Variants in DPP9 observed in about 807,000 individuals in gnomAD.
DPP9 encodes dipeptidyl peptidase 9.
DPP9 carries 50 observed loss-of-function variants against 110.7 expected under a neutral mutation model. That is an observed-to-expected ratio of 0.45 (90% CI 0.36 to 0.57). The LOEUF is 0.57. DPP9 is among the 20% of genes least tolerant of loss of function. The probability of loss-of-function intolerance (pLI) is 0.00; values close to 1 mark genes in which losing one functional copy is unlikely to be tolerated. For synonymous variants in DPP9, 561 were observed against 514.4 expected, an observed-to-expected ratio of 1.09 and a Z score of -1.23; for missense variants, 1,022 against 1,217.9, an observed-to-expected ratio of 0.84 and a Z score of 2.39.
intron 4 of DPP9, among the ~76,000 whole-genome samples, chr19:4,708,243 C>A (rs766902774): frequency 6.6e-6 from 1 of 152,224 alleles, no homozygotes; most frequent in Non-Finnish European, 1.5e-5. Context: ...ATACCCTGAC[C>A]CCCTTGCCGA....
chr19:4,685,957 T>C lies in DPP9; in HGVS notation c.1886-186A>G. ...TTAAATAAGATTTGTACAGTTTTTG[T>C]AGAGATGGGGTCTTGTCTCCCTGTT... On this transcript the variant is annotated intron_variant, in intron 16 of 21. Transcript: ENST00000262960. This position sits in a 1 kb window ranked among gnomAD's most constrained non-coding sequence, Gnocchi z 5.8. 1.6e-6 allele frequency: 1 copy of C among 623,236 alleles called. No homozygotes were observed. The highest frequency in any genetic ancestry group is 2.7e-6 in the Non-Finnish European group (1 of 376,172). The allele number at this position is 623,236 out of a possible 1,614,324, so 38.6% of individuals were successfully genotyped here.
chr19:4,689,435 G>A lies in DPP9; in HGVS notation c.1749+135C>T, dbSNP rs1405604882. The A allele has an allele frequency of 3.4e-6, 4 of 1,191,682 alleles. No individual in the cohort carries two copies. In the Admixed American group the frequency reaches 8.3e-5, roughly 25 times the overall value. The allele number at this position is 1,191,682 out of a possible 1,614,324, so 73.8% of individuals were successfully genotyped here. A position where few individuals can be genotyped will look rare whatever the true frequency, so the allele number is the denominator to read the frequency against. On this transcript the variant is annotated intron_variant, in intron 15 of 21. Transcript: ENST00000262960. The surrounding 1 kb of genome is among the most constrained non-coding windows in gnomAD (Gnocchi z 7.0). ...TACCCAGGAGGCAGGGGTGGGCACT[G>A]CCTGCCCCAAGGCAGCTATGAGAAT...
intron 13 of DPP9, among the ~76,000 whole-genome samples, chr19:4,691,454 C>T (rs1294914472): frequency 2.0e-5 from 3 of 147,994 alleles, no homozygotes; most frequent in African/African-American, 5.0e-5. Flanking sequence ...CCAGCCTGGG[C>T]GACAACAAGA....
intron 3 of DPP9, among the ~76,000 whole-genome samples, chr19:4,717,100 G>A (rs1168306843): frequency 6.6e-6 from 1 of 152,174 alleles, no homozygotes; most frequent in African/African-American, 2.4e-5. Flanking sequence ...AAATGACAGG[G>A]GAAAATGCTT....
Position 4,689,732 on chromosome 19 carries a change from G to T in DPP9, c.1597-10C>A, listed in dbSNP as rs748291109. ...CCTCATTGACCCAGATCTGCAGGGGGACAGGGGATCCTCGTGATGCGTCCC... is the reference window on the plus strand; with the variant it reads ...CCTCATTGACCCAGATCTGCAGGGGTACAGGGGATCCTCGTGATGCGTCCC... On this transcript the variant is annotated splice_polypyrimidine_tract_variant and intron_variant, in intron 14 of 21. Coordinates refer to ENST00000262960, the MANE Select transcript of DPP9 (RefSeq NM_139159.5). The surrounding 1 kb of genome is among the most constrained non-coding windows in gnomAD (Gnocchi z 7.0). The T allele has an allele frequency of 7.8e-6, 12 of 1,543,020 alleles. No homozygotes were observed. In the South Asian group the frequency reaches 1.1e-4, roughly 14 times the overall value.
In DPP9 at chr19:4,682,737, C is replaced by T; in HGVS notation, c.2433G>A (p.Glu811=). The T allele has an allele frequency of 6.2e-7, 1 of 1,609,064 alleles. No individual in the cohort carries two copies. The highest frequency in any genetic ancestry group is 1.1e-5 in the South Asian group (1 of 89,904). The change falls in exon 20 of 22, where the codon GAG becomes GAA. Residue 811 remains glutamate (E), a synonymous_variant. Transcript: ENST00000262960. This position sits in a 1 kb window ranked among gnomAD's most constrained non-coding sequence, Gnocchi z 7.1. ...CCACGTGCAGGGCCACGGAACCCGC[C>T]TCATAGCCGTGCTGGTTGTTCTCAG... is the stretch of plus-strand genomic sequence containing the variant. ...DVPENNQHGY[E]AGSVALHVEK...
At chr19:4,721,811 C>T (rs954330286) in intron 2 of DPP9, among the ~76,000 whole-genome samples, 1 of 152,114 alleles carries the variant, frequency 6.6e-6, no homozygotes, top group African/African-American at 2.4e-5. Context: ...CACATGGGGA[C>T]AGGACTGAGA....
intron 13 of DPP9, among the ~76,000 whole-genome samples, chr19:4,691,594 G>T (rs967640520): frequency 9.2e-5 from 14 of 152,036 alleles, no homozygotes; most frequent in Non-Finnish European, 1.9e-4. Flanking sequence ...GCACGGGAAG[G>T]GGGGCGGGGA....
At chr19:4,722,411 T>G in intron 2 of DPP9, 88 bp downstream of exon 2, 1 of 663,352 alleles carries the variant, frequency 1.5e-6, no homozygotes. Context: ...AACCATTTCC[T>G]GCCCATGTCT....
chr19:4,708,204 C>CA (rs763147010), intron 4 of DPP9, among the ~76,000 whole-genome samples: 1 of 152,152 alleles, frequency 6.6e-6, no homozygotes, highest in Non-Finnish European at 1.5e-5. Flanking sequence ...GGCCCTGAGC[C>CA]AAAATCCTTA....
At chr19:4,702,367 T>G (rs1287257210) in intron 8 of DPP9, among the ~76,000 whole-genome samples, 1 of 152,190 alleles carries the variant, frequency 6.6e-6, no homozygotes, top group Non-Finnish European at 1.5e-5. Context: ...AGAGCAGGGC[T>G]ACTCCCAGCA....
At chr19:4,715,885 C>T (rs538112715) in intron 3 of DPP9, 4 of 152,416 alleles carry the variant, frequency 2.6e-5, no homozygotes, top group South Asian at 4.1e-4. Context: ...CTCCCGCCCT[C>T]GTCACTTAGC....
At chr19:4,683,344 C>T (rs763804747) in intron 19 of DPP9, 133 bp downstream of exon 19, 55 of 1,479,606 alleles carry the variant, frequency 3.7e-5, no homozygotes, top group Admixed American at 4.6e-5. Context: ...GAAACAGCCA[C>T]GTGGCAAGGC....
At chr19:4,681,890 AGACTGTAGTGCAGTGGCG>A (rs2089947249) in intron 20 of DPP9, among the ~76,000 whole-genome samples, 3 of 120,810 alleles carry the variant, frequency 2.5e-5, no homozygotes, top group African/African-American at 3.3e-5. Context: ...TCTGTCGCCC[AGACTGTAGTGCAGTGGCG>A]CACGATCTCG....
intron 21 of DPP9, among the ~76,000 whole-genome samples, chr19:4,677,590 C>G (rs1464145505): frequency 6.6e-6 from 1 of 152,140 alleles, no homozygotes; most frequent in African/African-American, 2.4e-5. Flanking sequence ...TTGATGACAC[C>G]GTCCCCAGCC....
rs1036692283 is a variant in DPP9 at position 4,690,739 on chromosome 19, G to A, written c.1596+139C>T. On this transcript the variant is annotated intron_variant, in intron 14 of 21. Coordinates refer to ENST00000262960, the MANE Select transcript of DPP9 (RefSeq NM_139159.5). ...GCTGTAAAGCAGGGTCCTCACAGGT[G>A]TGTGTGCGTGTGTGTATGTGTGAGA... 22 of 716,574 alleles carry A rather than the reference G, an allele frequency of 3.1e-5. 2 individuals are homozygous for A. In the South Asian group the frequency reaches 3.7e-4, roughly 12 times the overall value. The allele number at this position is 716,574 out of a possible 1,614,324, so 44.4% of individuals were successfully genotyped here.
Position 4,684,646 on chromosome 19 carries a change from C to G in DPP9, c.2178+17G>C. On this transcript the variant is annotated intron_variant, in intron 18 of 21. Coordinates refer to ENST00000262960, the MANE Select transcript of DPP9 (RefSeq NM_139159.5). The surrounding 1 kb of genome is among the most constrained non-coding windows in gnomAD (Gnocchi z 4.8). ...CCGAGACCCAAAGGACCCAGAGCAACAGGGAGGAGTTGTTACCATTTGGTT... is the reference window on the plus strand; with the variant it reads ...CCGAGACCCAAAGGACCCAGAGCAAGAGGGAGGAGTTGTTACCATTTGGTT... 1 of 1,612,862 alleles carries G rather than the reference C, an allele frequency of 6.2e-7. No individual in the cohort carries two copies. The highest frequency in any genetic ancestry group is 8.5e-7 in the Non-Finnish European group (1 of 1,179,510).
In DPP9 at chr19:4,687,345, G is replaced by C. The variant is rs2090854348; in HGVS notation, c.1885+1412C>G. 6.6e-6 allele frequency among the ~76,000 whole-genome samples: 1 copy of C among 152,224 alleles called. No homozygotes were observed. The highest frequency in any genetic ancestry group is 6.5e-5 in the Admixed American group (1 of 15,278). Reference sequence around the variant, plus strand: ...CCAGGGTGGGTTGTCCTTGTACTGAGTGATGCCTGGGAGCCCAGCAGTGTG... The same window carrying C: ...CCAGGGTGGGTTGTCCTTGTACTGACTGATGCCTGGGAGCCCAGCAGTGTG... On this transcript the variant is annotated intron_variant, in intron 16 of 21. Transcript: ENST00000262960. The surrounding 1 kb of genome is among the most constrained non-coding windows in gnomAD (Gnocchi z 4.7).
At chr19:4,707,905 C>T (rs892958885) in intron 4 of DPP9, among the ~76,000 whole-genome samples, 6 of 152,168 alleles carry the variant, frequency 3.9e-5, no homozygotes, top group Non-Finnish European at 7.3e-5. Context: ...GGATAACAGG[C>T]ATGAGCCACC....
Sources: allele counts gnomAD v4.1 joint callset (sites outside exome capture counted in the v4.1 genomes callset), GRCh38; gene constraint gnomAD v4.1.1; non-coding constraint Gnocchi (gnomAD v3.1); transcripts MANE v1.5; gene names NCBI Gene and HGNC (gene_info 2026-07-23, HGNC 2026-07-21).